Variants in ST7L observed in about 807,000 individuals in gnomAD.
ST7L encodes suppression of tumorigenicity 7 like, also known as suppressor of tumorigenicity 7 protein-like.
Under a neutral mutation model 72.5 loss-of-function variants are expected in ST7L, and 57 were observed. That is an observed-to-expected ratio of 0.79 (90% CI 0.64 to 0.98). The LOEUF is 0.98. ST7L is among the 50% of genes least tolerant of loss of function. The probability of loss-of-function intolerance (pLI) is 0.00; values close to 1 mark genes in which losing one functional copy is unlikely to be tolerated. For synonymous variants in ST7L, 221 were observed against 240.9 expected, an observed-to-expected ratio of 0.92 and a Z score of 0.77; for missense variants, 576 against 672.2, an observed-to-expected ratio of 0.86 and a Z score of 1.58.
rs543251500 is a variant in ST7L at position 112,615,858 on chromosome 1, GCCTT to G, written c.288+951_288+954del. On this transcript the variant is annotated intron_variant, in intron 2 of 14. Transcript: ENST00000358039. ...AAGTTCAAGAGATTCTTATGCCTCAGCCTTCCGAGTAGCTGGGACTACAGGCACA... is the reference window on the plus strand; with the variant it reads ...AAGTTCAAGAGATTCTTATGCCTCAGCCGAGTAGCTGGGACTACAGGCACA... Among the ~76,000 whole-genome samples the G allele has an allele frequency of 9.2e-5, 14 of 152,260 alleles. No individual in the cohort carries two copies. The East Asian group carries it at 2.7e-3, about 29-fold the overall frequency.
chr1:112,565,386 A>C (rs1238540259), intron 11 of ST7L, among the ~76,000 whole-genome samples: 1 of 152,108 alleles, frequency 6.6e-6, no homozygotes, highest in Admixed American at 6.5e-5. Context: ...AGTAACTTTT[A>C]AATGCTACAG....
intron 14 of ST7L, among the ~76,000 whole-genome samples, chr1:112,530,663 C>T (rs1654239802): frequency 6.6e-6 from 1 of 152,198 alleles, no homozygotes. Flanking sequence ...GATCTACCCA[C>T]CTCGGCCTCC....
At chr1:112,609,759 T>C (rs1044761163) in intron 3 of ST7L, among the ~76,000 whole-genome samples, 8 of 151,872 alleles carry the variant, frequency 5.3e-5, no homozygotes, top group East Asian at 1.9e-4. Flanking sequence ...GAAGGAGAGG[T>C]TGCAGTGAGC....
At chr1:112,533,505 C>T (rs757978802) in intron 14 of ST7L, among the ~76,000 whole-genome samples, 3 of 151,828 alleles carry the variant, frequency 2.0e-5, no homozygotes, top group African/African-American at 4.8e-5. Flanking sequence ...TTAGTAGAGA[C>T]GCGGTTTCAC....
At chr1:112,605,493 C>CCAGCCTGACCAACGT (rs1209598467) in intron 3 of ST7L, among the ~76,000 whole-genome samples, 29 of 152,044 alleles carry the variant, frequency 1.9e-4, no homozygotes, top group African/African-American at 6.8e-4. Flanking sequence ...GAGTTCCAGA[C>CCAGCCTGACCAACGT]CAGCCTGACC....
chr1:112,546,316 CAAA>C (rs57742086), intron 13 of ST7L, among the ~76,000 whole-genome samples: 35 of 91,294 alleles, frequency 3.8e-4, no homozygotes, highest in Admixed American at 2.0e-3. Flanking sequence ...AATCCTAACT[CAAA>C]AAAAAAAAAA....
At chr1:112,601,525 G>T (rs1054537381) in intron 3 of ST7L, among the ~76,000 whole-genome samples, 1 of 152,068 alleles carries the variant, frequency 6.6e-6, no homozygotes, top group Non-Finnish European at 1.5e-5. Context: ...GATTACAGGT[G>T]TGAGCCACCG....
intron 2 of ST7L, among the ~76,000 whole-genome samples, chr1:112,612,128 C>G (rs548667038): frequency 2.0e-4 from 30 of 152,080 alleles, no homozygotes; most frequent in African/African-American, 7.0e-4. Flanking sequence ...GAGATAGGAT[C>G]CCACTGTCAC....
At chr1:112,538,374 G>A (rs1041394701) in intron 14 of ST7L, among the ~76,000 whole-genome samples, 2 of 152,088 alleles carry the variant, frequency 1.3e-5, no homozygotes, top group Admixed American at 1.3e-4. Flanking sequence ...ACAGGGTCTT[G>A]CTCTGTTGCC....
chr1:112,519,079 C>T (rs890237693), downstream of ST7L, among the ~76,000 whole-genome samples: 1 of 152,064 alleles, frequency 6.6e-6, no homozygotes, highest in Admixed American at 6.5e-5. Context: ...TTTTTGGTGC[C>T]CAAGAGGACT....
intron 9 of ST7L, among the ~76,000 whole-genome samples, 167 bp from the exon 10 acceptor site, chr1:112,578,584 A>G (rs566226460): frequency 2.0e-5 from 3 of 151,752 alleles, no homozygotes; most frequent in African/African-American, 7.2e-5. Flanking sequence ...GACCGGCCTG[A>G]CCAAAATGGA....
intron 9 of ST7L, among the ~76,000 whole-genome samples, chr1:112,579,683 C>T (rs1164330703): frequency 6.6e-6 from 1 of 151,964 alleles, no homozygotes; most frequent in African/African-American, 2.4e-5. Flanking sequence ...CAAAATAATG[C>T]TATCAGAAGA....
intron 13 of ST7L, among the ~76,000 whole-genome samples, chr1:112,546,289 A>C (rs1657044547): frequency 6.8e-6 from 1 of 147,798 alleles, no homozygotes. Context: ...ACTGCATTCC[A>C]GCCTGAGTGA....
At chr1:112,619,258 T>C, upstream of ST7L, 1 of 726,672 alleles carries the variant, frequency 1.4e-6, no homozygotes, top group South Asian at 1.8e-5. Flanking sequence ...ATTTCGAAGG[T>C]GGAGGAGCGT....
chr1:112,534,038 C>T (rs978557315), intron 14 of ST7L, among the ~76,000 whole-genome samples: 1 of 152,182 alleles, frequency 6.6e-6, no homozygotes, highest in Non-Finnish European at 1.5e-5. Context: ...GTGAAGAGTA[C>T]TCCCAGGCAG....
chr1:112,576,612 C>T (rs1663143681), intron 11 of ST7L, among the ~76,000 whole-genome samples: 2 of 152,164 alleles, frequency 1.3e-5, no homozygotes. Flanking sequence ...TAGTTCAAAA[C>T]CCAGGCATCT....
chr1:112,600,869 AG>A lies in ST7L; in HGVS notation c.452-22del, dbSNP rs760854961. 3.6e-5 allele frequency: 57 copies of A among 1,595,654 alleles called. No individual in the cohort carries two copies. In the East Asian group the frequency reaches 1.3e-3, roughly 36 times the overall value. On this transcript the variant is annotated intron_variant, in intron 3 of 14. Coordinates refer to ENST00000358039, the MANE Select transcript of ST7L (RefSeq NM_017744.5). ...ACATTCTGAAAAACAAGGGAGAAAA[AG>A]GGGGAAAAAGAGACACTTTAAAATC...
intron 6 of ST7L, among the ~76,000 whole-genome samples, chr1:112,585,297 C>T (rs1227974876): frequency 1.3e-5 from 2 of 152,234 alleles, no homozygotes; most frequent in East Asian, 3.9e-4. Context: ...TAGGCATTAG[C>T]CACATGTGGT....
chr1:112,601,174 C>T (rs1667325247), intron 3 of ST7L, among the ~76,000 whole-genome samples: 1 of 152,194 alleles, frequency 6.6e-6, no homozygotes, highest in South Asian at 2.1e-4. Context: ...CTAGAACTGA[C>T]TTGCTTAACT....
Sources: allele counts gnomAD v4.1 joint callset (sites outside exome capture counted in the v4.1 genomes callset), GRCh38; gene constraint gnomAD v4.1.1; transcripts MANE v1.5; gene names NCBI Gene and HGNC (gene_info 2026-07-23, HGNC 2026-07-21).